The following CA8 variants were observed in gnomAD, a reference collection of about 807,000 sequenced individuals.
CA8 encodes the protein carbonic anhydrase 8 (inactive).
CA8 carries 22 observed loss-of-function variants against 41.4 expected under a neutral mutation model. That is an observed-to-expected ratio of 0.53 (90% CI 0.38 to 0.76). CA8 has a LOEUF of 0.76. Ranked by LOEUF, CA8 falls within the 30% of genes least tolerant of loss-of-function variation. The pLI, the probability that CA8 is intolerant of heterozygous loss-of-function variation, is 0.00. For synonymous variants in CA8, 121 were observed against 130.6 expected (o/e 0.93, Z 0.50); for missense variants, 270 against 352.8 (o/e 0.77, Z 1.88).
At chr8:60,265,783 C>A in intron 3 of CA8, 142 bp downstream of exon 3, 1 of 914,228 alleles carries the variant, frequency 1.1e-6, no homozygotes, top group Non-Finnish European at 1.7e-6. Context: ...GCTTCCATTG[C>A]ATTAAGCATT....
chr8:60,217,806 C>G (rs1195469088), intron 7 of CA8, among the ~76,000 whole-genome samples: 1 of 152,186 alleles, frequency 6.6e-6, no homozygotes, highest in Non-Finnish European at 1.5e-5. Flanking sequence ...ATGTCATCAG[C>G]CACCAGGTTC....
chr8:60,255,003 A>C (rs1267204371), intron 3 of CA8, among the ~76,000 whole-genome samples: 3 of 152,148 alleles, frequency 2.0e-5, no homozygotes. Flanking sequence ...TCCTCTTGCT[A>C]GCGTCCAGTG....
At chr8:60,257,937 C>T (rs897827124) in intron 3 of CA8, among the ~76,000 whole-genome samples, 1 of 152,226 alleles carries the variant, frequency 6.6e-6, no homozygotes, top group Non-Finnish European at 1.5e-5. Flanking sequence ...GTTACAGTAA[C>T]ACAGTTTTGC....
rs1307960178 is a variant in CA8 at position 60,281,113 on chromosome 8, G to A, written c.35C>T (p.Ala12Val). 1 of 1,598,846 alleles carries A rather than the reference G, an allele frequency of 6.3e-7. No homozygotes were observed. The highest frequency in any genetic ancestry group is 8.5e-7 in the Non-Finnish European group (1 of 1,174,092). Residue 12 changes from alanine to valine, a missense_variant, in exon 1 of 9, where the codon GCC (alanine) becomes GTC (valine). Transcript: ENST00000317995. ...ADLSFIEDTV[A>V]FPEKEEDEEE... is the part of the protein sequence containing the mutation. Reference sequence around the variant, plus strand: ...CTCATCCTCTTCCTTCTCGGGGAAGGCGACGGTATCTTCGATGAAGCTCAG... The same window carrying A: ...CTCATCCTCTTCCTTCTCGGGGAAGACGACGGTATCTTCGATGAAGCTCAG...
intron 8 of CA8, among the ~76,000 whole-genome samples, chr8:60,192,778 C>T (rs75428879): frequency 3.2e-4 from 49 of 152,228 alleles, no homozygotes; most frequent in African/African-American, 1.1e-3. Context: ...CTATGTGTCA[C>T]CAATTTCCTT....
At chr8:60,248,808 G>A (rs1022723640) in intron 3 of CA8, among the ~76,000 whole-genome samples, 1 of 152,068 alleles carries the variant, frequency 6.6e-6, no homozygotes, top group African/African-American at 2.4e-5. Context: ...GTAGTTTAAT[G>A]GGAATAGCAT....
intron 7 of CA8, among the ~76,000 whole-genome samples, chr8:60,212,329 A>G (rs1189110693): frequency 6.6e-6 from 1 of 152,240 alleles, no homozygotes; most frequent in African/African-American, 2.4e-5. Flanking sequence ...CCCAAGTTCT[A>G]ATAGATTTAT....
chr8:60,267,208 A>T (rs1419306858), intron 2 of CA8, among the ~76,000 whole-genome samples: 2 of 152,244 alleles, frequency 1.3e-5, no homozygotes, highest in African/African-American at 4.8e-5. Context: ...CATATAATAC[A>T]GTCAGACAGC....
chr8:60,203,753 G>T (rs1011041210), intron 8 of CA8, among the ~76,000 whole-genome samples: 3 of 151,938 alleles, frequency 2.0e-5, no homozygotes, highest in African/African-American at 7.3e-5. Context: ...AGCATTTTTA[G>T]TAATTTCCTT....
chr8:60,277,743 G>A (rs1016100032), intron 2 of CA8, among the ~76,000 whole-genome samples: 5 of 152,172 alleles, frequency 3.3e-5, no homozygotes, highest in Admixed American at 6.5e-5. Context: ...GCTTACAAAT[G>A]GTTCCTCTGA....
At chr8:60,218,360 G>A (rs1166888504) in intron 7 of CA8, among the ~76,000 whole-genome samples, 1 of 151,852 alleles carries the variant, frequency 6.6e-6, no homozygotes, top group Non-Finnish European at 1.5e-5. Context: ...CCTAGATGGT[G>A]AATTCTTTGA....
At chr8:60,244,958 T>C (rs749964906) in intron 3 of CA8, among the ~76,000 whole-genome samples, 1 of 152,184 alleles carries the variant, frequency 6.6e-6, no homozygotes, top group African/African-American at 2.4e-5. Context: ...TAAGTGACCT[T>C]GGGCAACTAA....
chr8:60,257,100 C>A (rs1808666441), intron 3 of CA8, among the ~76,000 whole-genome samples: 1 of 152,080 alleles, frequency 6.6e-6, no homozygotes, highest in Admixed American at 6.5e-5. Context: ...GTGCCTTAGT[C>A]TCCGGTAGCT....
chr8:60,198,421 G>T (rs1279828428), intron 8 of CA8, among the ~76,000 whole-genome samples: 3 of 152,134 alleles, frequency 2.0e-5, no homozygotes, highest in Non-Finnish European at 4.4e-5. Flanking sequence ...ATAAATCATA[G>T]AAGTTGGTAA....
In CA8 at chr8:60,186,776, A is replaced by G. The variant is rs191336305; in HGVS notation, c.*3245T>C. ...GGGCAGCTATATTAATATCTGACAA[A>G]GTATATATTAAAATAAAAAAATGTT... On this transcript the variant is annotated 3_prime_UTR_variant, in exon 9 of 9. Coordinates refer to ENST00000317995, the MANE Select transcript of CA8 (RefSeq NM_004056.6). Among the ~76,000 whole-genome samples the G allele has an allele frequency of 7.0e-6, 1 of 143,308 alleles. No individual in the cohort carries two copies. Among genetic ancestry groups the G allele is most frequent in the Non-Finnish European group, 1.6e-5 (1 of 63,648 alleles). The allele number at this position is 143,308 out of a possible 152,430, so 94.0% of individuals were successfully genotyped here. A position where few individuals can be genotyped will look rare whatever the true frequency, so the allele number is the denominator to read the frequency against.
chr8:60,216,596 T>A (rs1807030607), intron 7 of CA8, among the ~76,000 whole-genome samples: 1 of 152,206 alleles, frequency 6.6e-6, no homozygotes, highest in African/African-American at 2.4e-5. Context: ...GGGTTAGACT[T>A]TGTCACTGGC....
At chr8:60,219,694 G>A (rs1268467581) in intron 7 of CA8, among the ~76,000 whole-genome samples, 1 of 152,036 alleles carries the variant, frequency 6.6e-6, no homozygotes, top group African/African-American at 2.4e-5. Context: ...CACACCAAAA[G>A]GGGCAGGAGT....
intron 3 of CA8, among the ~76,000 whole-genome samples, chr8:60,235,476 G>A (rs1320497101): frequency 1.3e-5 from 2 of 152,216 alleles, no homozygotes; most frequent in African/African-American, 4.8e-5. Context: ...TTCTGCCCAT[G>A]ACACCAGCTA....
At chr8:60,196,671 T>A (rs771354465) in intron 8 of CA8, among the ~76,000 whole-genome samples, 1 of 152,186 alleles carries the variant, frequency 6.6e-6, no homozygotes, top group Non-Finnish European at 1.5e-5. Flanking sequence ...CCTAATAGGA[T>A]TCCTTTTTCT....
Sources: allele counts gnomAD v4.1 joint callset (sites outside exome capture counted in the v4.1 genomes callset), GRCh38; gene constraint gnomAD v4.1.1; transcripts MANE v1.5; gene names NCBI Gene and HGNC (gene_info 2026-07-23, HGNC 2026-07-21).